MCM9: variants seen among roughly 807,000 people sequenced by gnomAD.
MCM9 encodes the protein DNA helicase MCM9.
A neutral mutation model predicts 72.8 loss-of-function variants in MCM9; 55 were observed. That is an observed-to-expected ratio of 0.76 (90% CI 0.61 to 0.95). The LOEUF (loss-of-function observed/expected upper bound fraction) is 0.95. Among genes scored for constraint, MCM9 ranks in the 40% least tolerant of loss-of-function variants. MCM9 has a pLI of 0.00. For synonymous variants in MCM9, 480 were observed against 503.4 expected (o/e 0.95, Z 0.62); for missense variants, 1,279 against 1,377.0 (o/e 0.93, Z 1.13).
chr6:118,860,006 A>G (rs1409798039), intron 8 of MCM9, among the ~76,000 whole-genome samples: 1 of 152,180 alleles, frequency 6.6e-6, no homozygotes, highest in East Asian at 1.9e-4. Context: ...CCCTTCCCCA[A>G]CACCTTATCA....
chr6:118,826,925 A>C, intron 11 of MCM9, 61 bp from the exon 12 acceptor site: 1 of 1,280,076 alleles, frequency 7.8e-7, no homozygotes, highest in Non-Finnish European at 1.1e-6. Context: ...GTAATTCTCT[A>C]ACTTCCTCCT....
At chr6:118,900,619 AAGG>A (rs1779745131) in intron 8 of MCM9, 2 of 630,152 alleles carry the variant, frequency 3.2e-6, no homozygotes, top group Non-Finnish European at 5.7e-6. Context: ...GGAACTTTAT[AAGG>A]AGCATTTCAC....
Position 118,931,433 on chromosome 6 carries a change from A to G in MCM9, c.291T>C (p.His97=), listed in dbSNP as rs751706312. 7 of 1,610,174 alleles carry G rather than the reference A, an allele frequency of 4.3e-6. No homozygotes were observed. Among genetic ancestry groups the G allele is most frequent in the Non-Finnish European group, 1.7e-6 (2 of 1,176,580 alleles). ...PEAVSMKQNL[H]ARISGLPVCP... ...TAAGTGATTTACCTGATATCCTGGC[A>G]TGAAGATTCTGTTTCATGGAAACAG... The change falls in exon 3 of 14, where the codon CAT becomes CAC. Residue 97 remains histidine (H), a synonymous_variant. Coordinates refer to ENST00000619706, the MANE Select transcript of MCM9 (RefSeq NM_017696.3).
At chr6:118,833,217 A>T (rs1774712301) in intron 9 of MCM9, among the ~76,000 whole-genome samples, 1 of 152,204 alleles carries the variant, frequency 6.6e-6, no homozygotes, top group African/African-American at 2.4e-5. Context: ...AAAGCATTGC[A>T]GGCACGTGGT....
intron 8 of MCM9, among the ~76,000 whole-genome samples, chr6:118,888,946 T>C (rs1778779494): frequency 6.6e-6 from 1 of 152,134 alleles, no homozygotes; most frequent in Admixed American, 6.5e-5. Context: ...GGGGATGTGC[T>C]AAAGGCTACA....
intron 8 of MCM9, among the ~76,000 whole-genome samples, chr6:118,858,693 G>T (rs1776721999): frequency 6.6e-6 from 1 of 152,056 alleles, no homozygotes; most frequent in Admixed American, 6.5e-5. Flanking sequence ...TGGAATATCT[G>T]GGTATAAGTC....
chr6:118,833,959 G>A (rs1030428377), intron 9 of MCM9, among the ~76,000 whole-genome samples: 3 of 152,056 alleles, frequency 2.0e-5, no homozygotes, highest in Admixed American at 6.6e-5. Flanking sequence ...CATGTGAAAC[G>A]GTGGTGTGCT....
chr6:118,928,109 GT>G, intron 3 of MCM9, among the ~76,000 whole-genome samples: 1 of 152,182 alleles, frequency 6.6e-6, no homozygotes, highest in Non-Finnish European at 1.5e-5. Context: ...AAGCAATGCA[GT>G]GGTTAAGAAT....
intron 9 of MCM9, among the ~76,000 whole-genome samples, chr6:118,844,442 A>G (rs1199398145): frequency 3.3e-5 from 5 of 151,690 alleles, no homozygotes; most frequent in African/African-American, 9.8e-5. Context: ...TAGATATACA[A>G]TTGTAACTAG....
At chr6:118,888,542 C>T (rs973597769) in intron 8 of MCM9, among the ~76,000 whole-genome samples, 1 of 152,066 alleles carries the variant, frequency 6.6e-6, no homozygotes, top group Non-Finnish European at 1.5e-5. Context: ...AAAGGAGTTA[C>T]AATATCTTAC....
chr6:118,877,050 T>C (rs761855605), intron 8 of MCM9, among the ~76,000 whole-genome samples: 1 of 152,198 alleles, frequency 6.6e-6, no homozygotes, highest in Non-Finnish European at 1.5e-5. Context: ...TGCTAGATTT[T>C]AGAGCCCAGC....
rs1773274211 is a variant in MCM9 at position 118,814,256 on chromosome 6, A to G, written c.*568T>C. ...GGAATTGTAAGGATACCTCTCAAAGAAAGAAAAGCATTAGTCACATTTAAC... is the reference window on the plus strand; with the variant it reads ...GGAATTGTAAGGATACCTCTCAAAGGAAGAAAAGCATTAGTCACATTTAAC... On this transcript the variant is annotated 3_prime_UTR_variant, in exon 14 of 14. Coordinates refer to ENST00000619706, the MANE Select transcript of MCM9 (RefSeq NM_017696.3). 1 of 152,212 alleles carries G rather than the reference A, an allele frequency of 6.6e-6. No homozygotes were observed. Among genetic ancestry groups the G allele is most frequent in the South Asian group, 2.1e-4 (1 of 4,824 alleles). 9.4% of individuals were successfully genotyped at this position (152,212 alleles called of 1,614,324 possible).
intron 8 of MCM9, among the ~76,000 whole-genome samples, chr6:118,893,533 G>A (rs137987287): frequency 0.01 from 1,578 of 152,226 alleles, 30 homozygotes; most frequent in African/African-American, 0.036. Flanking sequence ...AATTTTCCAA[G>A]CACAGTGTGT....
At chr6:118,845,151 G>A (rs971392397) in intron 9 of MCM9, among the ~76,000 whole-genome samples, 3 of 151,738 alleles carry the variant, frequency 2.0e-5, no homozygotes, top group Non-Finnish European at 2.9e-5. Flanking sequence ...CATCTACTAA[G>A]AACAGCTGAA....
At position 118,815,570 on chromosome 6, in the gene MCM9, G is replaced by T; in HGVS notation, c.2686C>A (p.Pro896Thr). Residue 896 changes from proline (P) to threonine (T), a missense_variant, in exon 14 of 14, where the codon CCG (proline) becomes ACG (threonine). Physicochemically the swap from Pro to Thr is conservative, Grantham distance 38. Transcript: ENST00000619706. The stretch of plus-strand genomic sequence containing the variant: ...TCTTCCACTTGCGCAAGGGATTTCG[G>T]TCTCTTTCTTTTGGGTGAGTCCAGC... ...RMLDSPKRKR[P>T]KSLAQVEEPA... 6.5e-7 allele frequency: 1 copy of T among 1,550,368 alleles called. No individual in the cohort carries two copies. Among genetic ancestry groups the T allele is most frequent in the Non-Finnish European group, 8.7e-7 (1 of 1,146,948 alleles).
At chr6:118,836,541 C>G (rs1219513715) in intron 9 of MCM9, among the ~76,000 whole-genome samples, 1 of 152,176 alleles carries the variant, frequency 6.6e-6, no homozygotes, top group Non-Finnish European at 1.5e-5. Flanking sequence ...TTGGTCTATT[C>G]AGGTATTCGA....
intron 8 of MCM9, among the ~76,000 whole-genome samples, chr6:118,902,664 A>G (rs1385870967): frequency 1.3e-5 from 2 of 152,142 alleles, no homozygotes; most frequent in Non-Finnish European, 1.5e-5. Context: ...GTAGCAAAAA[A>G]AATGTATTCA....
chr6:118,917,775 T>C lies in MCM9; in HGVS notation c.704-14A>G. ...TGAGGTCATCACCTAGGAAAAAGCA[T>C]CAAGTGAGTCCAGCAGTAGCATCCT... On this transcript the variant is annotated splice_polypyrimidine_tract_variant and intron_variant, in intron 5 of 13. Transcript: ENST00000619706. 3 of 1,611,466 alleles carry C rather than the reference T, an allele frequency of 1.9e-6. No homozygotes were observed. In the East Asian group the frequency reaches 6.7e-5, roughly 36 times the overall value.
chr6:118,872,833 T>C (rs1448632122), intron 8 of MCM9, among the ~76,000 whole-genome samples: 1 of 150,720 alleles, frequency 6.6e-6, no homozygotes, highest in African/African-American at 2.4e-5. Context: ...AAATACAAAG[T>C]AAGCAGAAAA....
Sources: allele counts gnomAD v4.1 joint callset (sites outside exome capture counted in the v4.1 genomes callset), GRCh38; gene constraint gnomAD v4.1.1; transcripts MANE v1.5; gene names NCBI Gene and HGNC (gene_info 2026-07-23, HGNC 2026-07-21).